Variants in ANKRD20A1 observed in about 807,000 individuals in gnomAD.
ANKRD20A1 encodes the protein ankyrin repeat domain-containing protein 20A1.
ANKRD20A1 carries 2 observed loss-of-function variants against 50.9 expected under a neutral mutation model. That is an observed-to-expected ratio of 0.04 (90% CI 0.02 to 0.12). The LOEUF (loss-of-function observed/expected upper bound fraction) is 0.12, where lower values mean the gene tolerates loss of function less well. ANKRD20A1 is among the 10% of genes least tolerant of loss of function. The pLI, the probability that ANKRD20A1 is intolerant of heterozygous loss-of-function variation, is 1.00. For missense variants in ANKRD20A1, 31 were observed against 548.1 expected, an observed-to-expected ratio of 0.06 and a Z score of 9.42; for synonymous variants, 10 against 186.2, an observed-to-expected ratio of 0.05 and a Z score of 7.70.
At chr9:67,865,873 GT>G (rs1364615022) in intron 3 of ANKRD20A1, among the ~76,000 whole-genome samples, 5 of 148,756 alleles carry the variant, frequency 3.4e-5, no homozygotes, top group African/African-American at 4.9e-5. Context: ...GCATGTATTT[GT>G]TTATAATATA....
rs1214708408 is a variant in ANKRD20A1, at chr9:67,895,864, C to G, written c.1153-1695C>G. Among the ~76,000 whole-genome samples, 19 of 89,656 alleles carry G rather than the reference C, an allele frequency of 2.1e-4. 6 individuals are homozygous for G. Among genetic ancestry groups the G allele is most frequent in the Admixed American group, 1.2e-3 (8 of 6,606 alleles). 58.8% of individuals were successfully genotyped at this position (89,656 alleles called of 152,430 possible). On this transcript the variant is annotated intron_variant, in intron 12 of 14. Transcript: ENST00000562196. ...CTCTTTATCAATTATTTGATTTAGTCAAATTTTCTGTTCAAGAAAATGTCA... is the reference window on the plus strand; with the variant it reads ...CTCTTTATCAATTATTTGATTTAGTGAAATTTTCTGTTCAAGAAAATGTCA...
At chr9:67,896,198 T>A (rs973481923) in intron 12 of ANKRD20A1, among the ~76,000 whole-genome samples, 2 of 53,182 alleles carry the variant, frequency 3.8e-5, no homozygotes, top group African/African-American at 1.1e-4. Context: ...GGGAATACAA[T>A]GGGAGGGAAG....
At chr9:67,884,255 T>C (rs1240342552) in intron 8 of ANKRD20A1, among the ~76,000 whole-genome samples, 2 of 149,650 alleles carry the variant, frequency 1.3e-5, no homozygotes, top group African/African-American at 4.9e-5. Context: ...AATAAAAACA[T>C]TAGCATGGCA....
chr9:67,872,328 C>T (rs1171227661), intron 6 of ANKRD20A1, among the ~76,000 whole-genome samples: 1 of 133,334 alleles, frequency 7.5e-6, no homozygotes, highest in Non-Finnish European at 1.6e-5. Context: ...TTTTATCTGT[C>T]ATAGTTTACA....
intron 8 of ANKRD20A1, among the ~76,000 whole-genome samples, chr9:67,882,167 T>C (rs1320680929): frequency 6.7e-6 from 1 of 148,340 alleles, no homozygotes; most frequent in Non-Finnish European, 1.5e-5. Context: ...AGCTGAGTTT[T>C]GTAGAGACAG....
At chr9:67,891,739 A>C (rs1385776547) in intron 11 of ANKRD20A1, among the ~76,000 whole-genome samples, 2 of 68,096 alleles carry the variant, frequency 2.9e-5, no homozygotes, top group Non-Finnish European at 6.0e-5. Context: ...CAAGCATCTT[A>C]AAGTTTTATA....
chr9:67,858,988 C>T lies in ANKRD20A1; in HGVS notation c.-439C>T, dbSNP rs1162743546. On this transcript the variant is annotated 5_prime_UTR_variant, in exon 1 of 15. Coordinates refer to ENST00000562196, the MANE Select transcript of ANKRD20A1 (RefSeq NM_032250.5). ...CGATCCTGGGGCCGCCCGGGCGATC[C>T]CAGGAGAACCGGCGAGCCCATCGGC... Among the ~76,000 whole-genome samples the T allele has an allele frequency of 1.4e-4, 4 of 28,402 alleles. 2 individuals are homozygous for T. Among genetic ancestry groups the T allele is most frequent in the African/African-American group, 7.8e-4 (4 of 5,130 alleles). The allele number at this position is 28,402 out of a possible 152,430, so 18.6% of individuals were successfully genotyped here. A position where few individuals can be genotyped will look rare whatever the true frequency, so the allele number is the denominator to read the frequency against.
intron 8 of ANKRD20A1, among the ~76,000 whole-genome samples, chr9:67,881,106 A>G (rs1376995388): frequency 6.6e-6 from 1 of 150,848 alleles, no homozygotes; most frequent in Non-Finnish European, 1.5e-5. Flanking sequence ...GTAGTGAGAC[A>G]AAAAAATTAA....
intron 9 of ANKRD20A1, among the ~76,000 whole-genome samples, chr9:67,884,884 C>A (rs557041082): frequency 6.7e-6 from 1 of 150,100 alleles, no homozygotes; most frequent in African/African-American, 2.4e-5. Context: ...AGCGAGACTC[C>A]GTCTCAGAAA....
intron 6 of ANKRD20A1, among the ~76,000 whole-genome samples, chr9:67,872,589 C>A (rs1401030321): frequency 7.3e-6 from 1 of 136,948 alleles, no homozygotes; most frequent in Non-Finnish European, 1.6e-5. Context: ...AACAGGAACT[C>A]TATGGTCAGT....
intron 9 of ANKRD20A1, 119 bp downstream of exon 9, chr9:67,884,689 G>C (rs1365421012): frequency 3.5e-6 from 2 of 576,396 alleles, no homozygotes; most frequent in Non-Finnish European, 6.1e-6. Context: ...AGGAGATCCA[G>C]ACCATCCTGG....
chr9:67,871,367 G>A (rs1478751409), intron 6 of ANKRD20A1, among the ~76,000 whole-genome samples, 155 bp downstream of exon 6: 2 of 135,612 alleles, frequency 1.5e-5, no homozygotes, highest in African/African-American at 2.7e-5. Flanking sequence ...ATATACATAT[G>A]TAAATTAATT....
Position 67,863,255 on chromosome 9 carries a change from T to G in ANKRD20A1, c.356T>G (p.Leu119Arg). The G allele has an allele frequency of 4.5e-6, 1 of 221,892 alleles. No homozygotes were observed. The highest frequency in any genetic ancestry group is 7.3e-6 in the Non-Finnish European group (1 of 137,334). 13.7% of individuals were successfully genotyped at this position (221,892 alleles called of 1,614,324 possible). A position where few individuals can be genotyped will look rare whatever the true frequency, so the allele number is the denominator to read the frequency against. ...CAGGAAGAGGCTTGTGCCGTTATTC[T>G]GCTGGAACATGGCGCCAATCCAAAC... is the stretch of plus-strand genomic sequence containing the variant. The part of the protein sequence containing the change: ...HCQEEACAVI[L>R]LEHGANPNLK... The change falls in exon 3 of 15, where the codon CTG becomes CGG. Residue 119 changes from leucine to arginine, a missense_variant. Physicochemically the swap from Leu to Arg is moderately radical, Grantham distance 102 (BLOSUM62 -2). Coordinates refer to ENST00000562196, the MANE Select transcript of ANKRD20A1 (RefSeq NM_032250.5).
chr9:67,865,457 AAG>A (rs931402754), intron 3 of ANKRD20A1, among the ~76,000 whole-genome samples: 5 of 124,464 alleles, frequency 4.0e-5, no homozygotes, highest in Non-Finnish European at 8.5e-5. Flanking sequence ...ATACCAGAGA[AAG>A]AAAATATTTT....
At chr9:67,883,031 T>C (rs1484379365) in intron 8 of ANKRD20A1, among the ~76,000 whole-genome samples, 237 of 145,414 alleles carry the variant, frequency 1.6e-3, no homozygotes, top group East Asian at 4.9e-3. Flanking sequence ...TAATCCAGTC[T>C]GTCATTGATG....
At chr9:67,865,372 C>G (rs1827545440) in intron 3 of ANKRD20A1, among the ~76,000 whole-genome samples, 2 of 136,216 alleles carry the variant, frequency 1.5e-5, no homozygotes, top group South Asian at 4.9e-4. Flanking sequence ...TGGAAAAATT[C>G]TTGAAGCAGG....
rs778417421 is a variant in ANKRD20A1 at position 67,884,552 on chromosome 9, G to A, written c.961G>A (p.Val321Ile). The A allele has an allele frequency of 1.9e-6, 3 of 1,592,066 alleles. 1 individual carries two copies. In the East Asian group the frequency reaches 6.9e-5, roughly 37 times the overall value. Residue 321 changes from valine to isoleucine, a missense_variant, in exon 9 of 15, where the codon GTC becomes ATC. Val to Ile is a conservative substitution (Grantham distance 29, BLOSUM62 3). Transcript: ENST00000562196. ...GSSHEKGNRIVNGQGEGPPAK... is the reference protein window; with the variant it reads ...GSSHEKGNRIINGQGEGPPAK... ...TTCGCATGAAAAAGGAAACAGAATAGTCAATGGACAAGGAGAAGGTGAGAA... is the reference window on the plus strand; with the variant it reads ...TTCGCATGAAAAAGGAAACAGAATAATCAATGGACAAGGAGAAGGTGAGAA...
At chr9:67,881,737 G>T (rs2077520592) in intron 8 of ANKRD20A1, among the ~76,000 whole-genome samples, 1 of 151,568 alleles carries the variant, frequency 6.6e-6, no homozygotes, top group Non-Finnish European at 1.5e-5. Context: ...GGAGGTTGCA[G>T]TGAGCCAAGA....
At chr9:67,880,756 G>A (rs1827781354) in intron 8 of ANKRD20A1, among the ~76,000 whole-genome samples, 1 of 15,590 alleles carries the variant, frequency 6.4e-5, no homozygotes, top group African/African-American at 1.6e-4. Context: ...TGACAGGGTG[G>A]GAGCTGAAAA....
Sources: gnomAD v4.1 joint callset for allele counts (sites outside exome capture counted in the v4.1 genomes callset) on GRCh38, gnomAD v4.1.1 for gene constraint, MANE v1.5 for transcripts, NCBI Gene and HGNC (gene_info 2026-07-23, HGNC 2026-07-21) for gene names.